The following TBCE variants were observed in gnomAD, a reference collection of about 807,000 sequenced individuals.
The protein encoded by TBCE is tubulin folding cofactor E, also known as tubulin-specific chaperone E.
Under a neutral mutation model 77.0 loss-of-function variants are expected in TBCE, and 53 were observed. The ratio of observed to expected loss-of-function variants is 0.69; its 90% CI spans 0.55 to 0.87. The LOEUF (loss-of-function observed/expected upper bound fraction) is 0.87. Ranked by LOEUF, TBCE falls within the 40% of genes least tolerant of loss-of-function variation. TBCE has a pLI of 0.00. For synonymous variants in TBCE, 235 were observed against 241.3 expected (o/e 0.97, Z 0.24); for missense variants, 624 against 622.4 (o/e 1.00, Z -0.03).
chr1:235,371,038 C>CATTTT (rs1676910483), intron 1 of TBCE, among the ~76,000 whole-genome samples: 1 of 23,310 alleles, frequency 4.3e-5, no homozygotes, highest in African/African-American at 1.3e-4. Context: ...TCACGCCTGG[C>CATTTT]TTTTTTTTTT....
intron 1 of TBCE, among the ~76,000 whole-genome samples, chr1:235,378,034 G>T (rs941135143): frequency 2.0e-5 from 3 of 152,104 alleles, no homozygotes; most frequent in African/African-American, 7.2e-5. Context: ...ATATACCAAT[G>T]GAGTTTGTGG....
chr1:235,439,463 T>A (rs1681689246), intron 13 of TBCE, among the ~76,000 whole-genome samples: 1 of 151,092 alleles, frequency 6.6e-6, no homozygotes, highest in South Asian at 2.1e-4. Context: ...ACCACTGTAC[T>A]CCAGCCTGGG....
In TBCE at chr1:235,380,161, T is replaced by A. The variant is rs981904678; in HGVS notation, c.100+12T>A. 5.3e-6 allele frequency: 6 copies of A among 1,136,478 alleles called. No homozygotes were observed. The highest frequency in any genetic ancestry group is 6.5e-6 in the Non-Finnish European group (5 of 771,264). The allele number at this position is 1,136,478 out of a possible 1,614,324, so 70.4% of individuals were successfully genotyped here. On this transcript the variant is annotated intron_variant, in intron 2 of 16. Coordinates refer to ENST00000642610, the MANE Select transcript of TBCE (RefSeq NM_003193.5). ...CCCTCCCGTGGCAGGTAAGCAATTA[T>A]TGTGTGTGTGTGTGTGTGTGTGTGT...
At chr1:235,413,240 G>T (rs962031086) in intron 3 of TBCE, among the ~76,000 whole-genome samples, 7 of 152,092 alleles carry the variant, frequency 4.6e-5, no homozygotes, top group African/African-American at 1.4e-4. Flanking sequence ...TGTACCTGTA[G>T]TCCTAGCTAC....
At chr1:235,443,374 G>A (rs1044485007) in intron 15 of TBCE, among the ~76,000 whole-genome samples, 3 of 152,000 alleles carry the variant, frequency 2.0e-5, no homozygotes, top group Non-Finnish European at 4.4e-5. Context: ...GCTAATTTTT[G>A]TATTTTTTGT....
intron 8 of TBCE, among the ~76,000 whole-genome samples, chr1:235,434,493 GA>G (rs1178560537): frequency 6.6e-6 from 1 of 151,944 alleles, no homozygotes; most frequent in Non-Finnish European, 1.5e-5. Context: ...GTGAAGACAT[GA>G]GTTATATTAG....
In TBCE at chr1:235,448,818, GAAAT is replaced by G; in HGVS notation, c.*61_*64del. On this transcript the variant is annotated 3_prime_UTR_variant, in exon 17 of 17. Coordinates refer to ENST00000642610, the MANE Select transcript of TBCE (RefSeq NM_003193.5). ...TGCTTATCGTGTCTGGGGTTCACCG[GAAAT>G]AAATGATTCACTGGAACAATTCTAC... 8.0e-7 allele frequency: 1 copy of G among 1,249,644 alleles called. No individual in the cohort carries two copies. Among genetic ancestry groups the G allele is most frequent in the South Asian group, 1.2e-5 (1 of 82,868 alleles). The allele number at this position is 1,249,644 out of a possible 1,614,324, so 77.4% of individuals were successfully genotyped here.
intron 4 of TBCE, 29 bp downstream of exon 4, chr1:235,414,647 AC>A (rs1238442234): frequency 6.2e-7 from 1 of 1,608,438 alleles, no homozygotes; most frequent in African/African-American, 1.3e-5. Flanking sequence ...GGCAGAGCTG[AC>A]TTTTATGGTT....
chr1:235,389,179 C>T (rs558459289), intron 2 of TBCE, among the ~76,000 whole-genome samples: 13 of 152,266 alleles, frequency 8.5e-5, no homozygotes, highest in South Asian at 8.3e-4. Context: ...GTTTAGCAAA[C>T]GTGAAGTTTT....
Position 235,441,847 on chromosome 1 carries a change from C to T in TBCE, c.1304C>T (p.Thr435Ile), listed in dbSNP as rs1572446322. The T allele has an allele frequency of 3.1e-6, 5 of 1,614,006 alleles. No homozygotes were observed. Among genetic ancestry groups the T allele is most frequent in the Middle Eastern group, 3.3e-4 (2 of 6,062 alleles). ...YGAPEDWELK[T>I]QQPLMLKNQL... ...GCACCTGAAGATTGGGAACTCAAAACACAGCAACCACTTATGCTGAAAAAC... is the reference window on the plus strand; with the variant it reads ...GCACCTGAAGATTGGGAACTCAAAATACAGCAACCACTTATGCTGAAAAAC... The change falls in exon 14 of 17, where the codon ACA (threonine) becomes ATA (isoleucine). Residue 435 changes from threonine (T) to isoleucine (I), a missense_variant. Coordinates refer to ENST00000642610, the MANE Select transcript of TBCE (RefSeq NM_003193.5).
At chr1:235,416,243 T>C (rs763500605) in intron 4 of TBCE, 1 of 151,816 alleles carries the variant, frequency 6.6e-6, no homozygotes, top group Admixed American at 6.6e-5. Flanking sequence ...ACTGATTTAC[T>C]TGGATTTAAA....
intron 1 of TBCE, among the ~76,000 whole-genome samples, chr1:235,371,038 C>CT (rs71174417): frequency 0.02 from 468 of 23,298 alleles, 191 homozygotes; most frequent in Middle Eastern, 0.1. Context: ...TCACGCCTGG[C>CT]TTTTTTTTTT....
chr1:235,449,574 A>G lies in TBCE; in HGVS notation c.*812A>G, dbSNP rs1682767225. 6.6e-6 allele frequency: 1 copy of G among 152,488 alleles called. No individual in the cohort carries two copies. Among genetic ancestry groups the G allele is most frequent in the Admixed American group, 6.5e-5 (1 of 15,302 alleles). The allele number at this position is 152,488 out of a possible 1,614,324, so 9.4% of individuals were successfully genotyped here. On this transcript the variant is annotated 3_prime_UTR_variant, in exon 17 of 17. Coordinates refer to ENST00000642610, the MANE Select transcript of TBCE (RefSeq NM_003193.5). ...AGAAAGAAAATTTGGGTATTAGTCT[A>G]CCATATAAATGAACTTCTTTAAAAC...
intron 15 of TBCE, among the ~76,000 whole-genome samples, chr1:235,443,544 G>C (rs760162152): frequency 6.6e-6 from 1 of 152,174 alleles, no homozygotes; most frequent in Admixed American, 6.6e-5. Flanking sequence ...GACCTTGAAT[G>C]GCATAGCCTT....
At chr1:235,379,860 A>C (rs1041845677) in intron 1 of TBCE, among the ~76,000 whole-genome samples, 159 bp from the exon 2 acceptor site, 1 of 151,108 alleles carries the variant, frequency 6.6e-6, no homozygotes, top group Non-Finnish European at 1.5e-5. Context: ...GAGGCACAAG[A>C]ACCCTTGAGC....
At chr1:235,392,259 A>G (rs1382643350) in intron 2 of TBCE, among the ~76,000 whole-genome samples, 1 of 151,946 alleles carries the variant, frequency 6.6e-6, no homozygotes, top group Non-Finnish European at 1.5e-5. Context: ...GGAAGCTGAA[A>G]TGGGAGGATT....
At chr1:235,432,969 C>T (rs1454531851) in intron 7 of TBCE, 3 of 1,468,522 alleles carry the variant, frequency 2.0e-6, no homozygotes, top group East Asian at 2.7e-5. Context: ...GTGGTGGCAG[C>T]AGGCACGGTC....
intron 4 of TBCE, chr1:235,415,065 G>A (rs1405041432): frequency 4.3e-6 from 1 of 231,034 alleles, no homozygotes; most frequent in Non-Finnish European, 8.7e-6. Context: ...CTGGGGAGCT[G>A]TGGAACATGC....
At chr1:235,373,973 A>T (rs1677139348) in intron 1 of TBCE, among the ~76,000 whole-genome samples, 1 of 144,472 alleles carries the variant, frequency 6.9e-6, no homozygotes, top group Non-Finnish European at 1.5e-5. Context: ...TTTAAATTTT[A>T]AAATTTTATT....
Sources: gnomAD v4.1 joint callset for allele counts (sites outside exome capture counted in the v4.1 genomes callset) on GRCh38, gnomAD v4.1.1 for gene constraint, MANE v1.5 for transcripts, NCBI Gene and HGNC (gene_info 2026-07-23, HGNC 2026-07-21) for gene names.